Variants in ADCY8 observed in about 807,000 individuals in gnomAD.
ADCY8 encodes adenylate cyclase 8.
A neutral mutation model predicts 119.7 loss-of-function variants in ADCY8; 51 were observed. That is an observed-to-expected ratio of 0.43 (90% CI 0.34 to 0.54). ADCY8 has a LOEUF of 0.54. Ranked by LOEUF, ADCY8 falls within the 20% of genes least tolerant of loss-of-function variation. The probability of loss-of-function intolerance (pLI) is 0.03; values close to 1 mark genes in which losing one functional copy is unlikely to be tolerated. For synonymous variants in ADCY8, 665 were observed against 651.0 expected, an observed-to-expected ratio of 1.02 and a Z score of -0.33; for missense variants, 1,383 against 1,598.8, an observed-to-expected ratio of 0.87 and a Z score of 2.30.
At chr8:130,943,497 G>GGGGGGGGGGGGGGCCCCC in intron 3 of ADCY8, 35 bp from the exon 4 acceptor site, 1 of 491,356 alleles carries the variant, frequency 2.0e-6, no homozygotes, top group Non-Finnish European at 4.2e-6. Context: ...GTGGGGGGAG[G>GGGGGGGGGGGGGGCCCCC]AAGTATATTA....
intron 2 of ADCY8, among the ~76,000 whole-genome samples, chr8:130,960,690 A>G (rs1821573951): frequency 6.6e-6 from 1 of 152,204 alleles, no homozygotes; most frequent in East Asian, 1.9e-4. Context: ...TACAGCAACA[A>G]CACTAAAGTA....
At chr8:130,781,623 C>T (rs1237573050) in intron 17 of ADCY8, among the ~76,000 whole-genome samples, 1 of 152,216 alleles carries the variant, frequency 6.6e-6, no homozygotes, top group East Asian at 1.9e-4. Context: ...ATTATATTCA[C>T]ACTGAACTGC....
chr8:131,003,401 A>G (rs113601699), intron 1 of ADCY8, among the ~76,000 whole-genome samples: 165 of 152,354 alleles, frequency 1.1e-3, no homozygotes, highest in Non-Finnish European at 2.0e-3. Context: ...GTAGTTTAAG[A>G]TATCAACATA....
chr8:130,951,003 ATTTCT>A (rs1821253376), intron 3 of ADCY8, among the ~76,000 whole-genome samples: 1 of 152,168 alleles, frequency 6.6e-6, no homozygotes, highest in African/African-American at 2.4e-5. Context: ...CGGCCAGTAC[ATTTCT>A]TTTAAATCAG....
chr8:130,897,152 T>C (rs560913261), intron 7 of ADCY8, among the ~76,000 whole-genome samples: 1 of 152,028 alleles, frequency 6.6e-6, no homozygotes, highest in South Asian at 2.1e-4. Context: ...TACTCAAAGA[T>C]CACAAGACTC....
intron 1 of ADCY8, among the ~76,000 whole-genome samples, chr8:131,034,190 A>T (rs1824079015): frequency 6.6e-6 from 1 of 152,174 alleles, no homozygotes; most frequent in Admixed American, 6.5e-5. Flanking sequence ...GTTGTACATT[A>T]AGTAGTCACA....
At chr8:130,822,443 G>T (rs16904366) in intron 12 of ADCY8, among the ~76,000 whole-genome samples, 1 of 152,078 alleles carries the variant, frequency 6.6e-6, no homozygotes, top group Non-Finnish European at 1.5e-5. Context: ...AAAGTGAAGA[G>T]GGCTGGACTG....
chr8:130,926,240 C>A (rs933025704), intron 5 of ADCY8, among the ~76,000 whole-genome samples: 35 of 151,980 alleles, frequency 2.3e-4, no homozygotes, highest in African/African-American at 8.2e-4. Flanking sequence ...TACACTAATG[C>A]ACACATACAT....
At chr8:130,848,610 T>C (rs1251106205) in intron 10 of ADCY8, among the ~76,000 whole-genome samples, 2 of 152,152 alleles carry the variant, frequency 1.3e-5, no homozygotes, top group African/African-American at 4.8e-5. Context: ...GTCTATAGCT[T>C]GGGTCCCTGC....
intron 9 of ADCY8, among the ~76,000 whole-genome samples, chr8:130,857,906 A>C (rs1817799254): frequency 6.6e-6 from 1 of 152,334 alleles, no homozygotes; most frequent in East Asian, 1.9e-4. Context: ...ATCATCCACT[A>C]AACACTACAA....
intron 2 of ADCY8, among the ~76,000 whole-genome samples, chr8:130,985,350 G>A (rs947103988): frequency 3.4e-4 from 52 of 152,148 alleles, no homozygotes; most frequent in Non-Finnish European, 1.8e-4. Flanking sequence ...ACCAGGTAGG[G>A]AAAAAGGTGT....
At chr8:130,909,919 G>T in intron 5 of ADCY8, 53 bp from the exon 6 acceptor site, 2 of 1,528,202 alleles carry the variant, frequency 1.3e-6, no homozygotes, top group Non-Finnish European at 1.8e-6. Flanking sequence ...AGTGGGCATC[G>T]TTGGCTCTGC....
At chr8:130,830,090 G>A (rs1043972781) in intron 12 of ADCY8, among the ~76,000 whole-genome samples, 13 of 152,298 alleles carry the variant, frequency 8.5e-5, no homozygotes, top group Admixed American at 4.6e-4. Flanking sequence ...AGGGAGGAAC[G>A]ATACAGGAGT....
chr8:130,885,837 C>G (rs1011625053), intron 7 of ADCY8, among the ~76,000 whole-genome samples: 1 of 152,050 alleles, frequency 6.6e-6, no homozygotes, highest in African/African-American at 2.4e-5. Context: ...CTTTTCTCTG[C>G]CAGCCTCTCA....
intron 2 of ADCY8, among the ~76,000 whole-genome samples, chr8:130,952,882 C>T (rs563155278): frequency 5.9e-5 from 9 of 152,136 alleles, no homozygotes; most frequent in South Asian, 2.1e-4. Flanking sequence ...ACAGAAACAG[C>T]GAACATACAA....
At chr8:131,021,420 C>G (rs943522007) in intron 1 of ADCY8, among the ~76,000 whole-genome samples, 1 of 152,118 alleles carries the variant, frequency 6.6e-6, no homozygotes, top group Non-Finnish European at 1.5e-5. Context: ...ATGTGGGTCT[C>G]CCAGAGGGAT....
intron 1 of ADCY8, among the ~76,000 whole-genome samples, chr8:131,035,433 T>G (rs1824123468): frequency 1.3e-5 from 2 of 152,268 alleles, no homozygotes; most frequent in South Asian, 2.1e-4. Flanking sequence ...TGTAGTGTGT[T>G]AATTGAGTAG....
At chr8:130,882,680 C>T (rs928745950) in intron 8 of ADCY8, among the ~76,000 whole-genome samples, 6 of 152,160 alleles carry the variant, frequency 3.9e-5, no homozygotes, top group African/African-American at 1.4e-4. Context: ...AAATGAAGCT[C>T]ATAATAACAT....
chr8:130,844,416 G>T (rs1165127514), intron 11 of ADCY8, among the ~76,000 whole-genome samples: 2 of 152,128 alleles, frequency 1.3e-5, no homozygotes, highest in Non-Finnish European at 1.5e-5. Context: ...CATTGTAAAA[G>T]CCTCATTTTT....
Sources: allele counts gnomAD v4.1 joint callset (sites outside exome capture counted in the v4.1 genomes callset), GRCh38; gene constraint gnomAD v4.1.1; transcripts MANE v1.5; gene names NCBI Gene and HGNC (gene_info 2026-07-23, HGNC 2026-07-21).